Variants in SAXO1 observed in about 807,000 individuals in gnomAD.
The protein encoded by SAXO1 is stabilizer of axonemal microtubules 1, also known as 4930500O09Rik.
SAXO1 carries 21 observed loss-of-function variants against 17.5 expected under a neutral mutation model. The observed-to-expected ratio is 1.20, with a 90% CI of 0.85 to 1.72. The LOEUF (loss-of-function observed/expected upper bound fraction) is 1.72. Ranked by LOEUF, SAXO1 falls within the 40% of genes most tolerant of loss-of-function variation. The probability of loss-of-function intolerance (pLI) is 0.00; values close to 1 mark genes in which losing one functional copy is unlikely to be tolerated. For synonymous variants in SAXO1, 274 were observed against 216.5 expected (o/e 1.27, Z -2.33); for missense variants, 843 against 596.0 (o/e 1.41, Z -4.32).
chr9:19,005,373 C>G (rs1834442833), intron 1 of SAXO1, among the ~76,000 whole-genome samples: 1 of 151,892 alleles, frequency 6.6e-6, no homozygotes, highest in Admixed American at 6.6e-5. Flanking sequence ...TTCCTGATTT[C>G]AAAACTGATT....
chr9:18,944,984 C>T (rs1331319808), intron 2 of SAXO1, among the ~76,000 whole-genome samples: 1 of 152,174 alleles, frequency 6.6e-6, no homozygotes, highest in Admixed American at 6.5e-5. Flanking sequence ...CTCTCTCACC[C>T]CTGCCCTCTT....
intron 1 of SAXO1, among the ~76,000 whole-genome samples, chr9:19,010,691 G>C (rs150606653): frequency 1.8e-3 from 280 of 152,158 alleles, no homozygotes; most frequent in African/African-American, 6.4e-3. Context: ...TTAAAAACGG[G>C]TTAAAAAAGA....
intron 3 of SAXO1, among the ~76,000 whole-genome samples, chr9:18,940,505 C>T (rs888247091): frequency 1.1e-4 from 17 of 152,172 alleles, no homozygotes; most frequent in African/African-American, 4.1e-4. Context: ...AGAGGCCCTT[C>T]TAGGAGCTCA....
intron 1 of SAXO1, among the ~76,000 whole-genome samples, chr9:19,017,141 G>T (rs972772457): frequency 6.6e-6 from 1 of 151,940 alleles, no homozygotes; most frequent in African/African-American, 2.4e-5. Context: ...AGAACTTGTT[G>T]CAAGGCAAAG....
At chr9:18,998,530 G>C (rs1834107156) in intron 1 of SAXO1, among the ~76,000 whole-genome samples, 1 of 152,190 alleles carries the variant, frequency 6.6e-6, no homozygotes, top group Non-Finnish European at 1.5e-5. Context: ...AACCAAGTTA[G>C]AAAACACTCT....
chr9:18,929,724 G>T (rs1830954345), intron 3 of SAXO1, among the ~76,000 whole-genome samples: 1 of 152,188 alleles, frequency 6.6e-6, no homozygotes, highest in African/African-American at 2.4e-5. Flanking sequence ...GTCCTAATAA[G>T]GTGGGTACTA....
At position 18,928,566 on chromosome 9, in the gene SAXO1, A is replaced by T. The variant is rs1830886460; in HGVS notation, c.911T>A (p.Leu304Gln). The change falls in exon 4 of 4, where the codon CTG becomes CAG. Residue 304 changes from leucine (L) to glutamine (Q), a missense_variant. Transcript: ENST00000380534. The part of the protein sequence containing the change: ...YVPPEDRMDL[L>Q]TTVQAHYTCP... ...TGTGTAATGGGCCTGCACTGTTGTC[A>T]GAAGATCCATCCTGTCTTCGGGAGG... is the stretch of plus-strand genomic sequence containing the variant. 2 of 1,614,140 alleles carry T rather than the reference A, an allele frequency of 1.2e-6. No homozygotes were observed. Among genetic ancestry groups the T allele is most frequent in the Non-Finnish European group, 1.7e-6 (2 of 1,180,020 alleles).
chr9:19,014,376 C>T (rs921732770), intron 1 of SAXO1, among the ~76,000 whole-genome samples: 1 of 147,098 alleles, frequency 6.8e-6, no homozygotes, highest in Non-Finnish European at 1.5e-5. Context: ...GCACAAGAAT[C>T]CCTTGAACCT....
intron 1 of SAXO1, among the ~76,000 whole-genome samples, chr9:19,048,664 A>G (rs139693079): frequency 2.1e-3 from 313 of 152,318 alleles, no homozygotes; most frequent in African/African-American, 7.3e-3. Context: ...ACCAAATTCC[A>G]TTTCATCATT....
At chr9:18,935,171 C>G (rs762385094) in intron 3 of SAXO1, among the ~76,000 whole-genome samples, 13 of 152,078 alleles carry the variant, frequency 8.5e-5, no homozygotes, top group Admixed American at 5.2e-4. Context: ...ACCTGGGCCT[C>G]GCAAAGTGCT....
intron 1 of SAXO1, among the ~76,000 whole-genome samples, chr9:19,045,808 A>T (rs560085335): frequency 2.0e-5 from 3 of 152,334 alleles, no homozygotes; most frequent in African/African-American, 7.2e-5. Flanking sequence ...ACAAATAAGG[A>T]AAGTTTCTAA....
At chr9:18,971,192 G>A (rs10963883) in intron 1 of SAXO1, among the ~76,000 whole-genome samples, 4,480 of 152,286 alleles carry the variant, frequency 0.029, 88 homozygotes, top group Middle Eastern at 0.071. Flanking sequence ...TGTGCAGACA[G>A]GAAGATCCTG....
intron 1 of SAXO1, among the ~76,000 whole-genome samples, chr9:19,039,822 A>T (rs1008391156): frequency 2.0e-5 from 3 of 152,070 alleles, no homozygotes; most frequent in Non-Finnish European, 4.4e-5. Flanking sequence ...TCCGCCTCCC[A>T]GGTTCAAGCA....
chr9:18,962,437 A>G (rs1832526579), intron 1 of SAXO1, among the ~76,000 whole-genome samples: 1 of 152,194 alleles, frequency 6.6e-6, no homozygotes, highest in Non-Finnish European at 1.5e-5. Flanking sequence ...TTGGCCGCAT[A>G]CATGTCTTCT....
At chr9:18,975,753 G>A (rs1446878632) in intron 1 of SAXO1, among the ~76,000 whole-genome samples, 1 of 152,192 alleles carries the variant, frequency 6.6e-6, no homozygotes, top group Non-Finnish European at 1.5e-5. Flanking sequence ...GCCATTGTCA[G>A]AGCACATATT....
intron 1 of SAXO1, among the ~76,000 whole-genome samples, chr9:18,995,769 T>C (rs983492666): frequency 2.0e-5 from 3 of 152,130 alleles, no homozygotes; most frequent in African/African-American, 4.8e-5. Context: ...TTTAATAATT[T>C]TTTTCCTTTC....
At chr9:19,012,170 G>C (rs1034796523) in intron 1 of SAXO1, among the ~76,000 whole-genome samples, 1 of 151,990 alleles carries the variant, frequency 6.6e-6, no homozygotes, top group South Asian at 2.1e-4. Context: ...AATGAGAGAG[G>C]AAAAAAGATG....
intron 1 of SAXO1, among the ~76,000 whole-genome samples, chr9:18,976,792 A>T (rs532438792): frequency 6.6e-6 from 1 of 152,352 alleles, no homozygotes; most frequent in East Asian, 1.9e-4. Context: ...AAACAGTCAA[A>T]TGAGTGAAAG....
At chr9:18,940,280 G>A (rs1251858343) in intron 3 of SAXO1, among the ~76,000 whole-genome samples, 2 of 152,178 alleles carry the variant, frequency 1.3e-5, no homozygotes, top group Non-Finnish European at 2.9e-5. Flanking sequence ...TTCAGGGTAT[G>A]ATAACATTCA....
Sources: gnomAD v4.1 joint callset for allele counts (sites outside exome capture counted in the v4.1 genomes callset) on GRCh38, gnomAD v4.1.1 for gene constraint, MANE v1.5 for transcripts, NCBI Gene and HGNC (gene_info 2026-07-23, HGNC 2026-07-21) for gene names.